The following CCDC13 variants were observed in gnomAD, a reference collection of about 807,000 sequenced individuals.
The protein encoded by CCDC13 is coiled-coil domain containing 13.
A neutral mutation model predicts 87.3 loss-of-function variants in CCDC13; 70 were observed. The observed-to-expected ratio is 0.80, with a 90% CI of 0.66 to 0.98. The LOEUF (loss-of-function observed/expected upper bound fraction) is 0.98, where lower values mean the gene tolerates loss of function less well. Ranked by LOEUF, CCDC13 falls within the 50% of genes least tolerant of loss-of-function variation. CCDC13 has a pLI of 0.00. For missense variants in CCDC13, 842 were observed against 892.0 expected, an observed-to-expected ratio of 0.94 and a Z score of 0.71; for synonymous variants, 317 against 360.3, an observed-to-expected ratio of 0.88 and a Z score of 1.36.
chr3:42,729,850 T>A (rs1356008635), intron 13 of CCDC13, among the ~76,000 whole-genome samples: 3 of 152,216 alleles, frequency 2.0e-5, no homozygotes, highest in African/African-American at 7.2e-5. Context: ...CTCAGTGGTG[T>A]GCTTAATATT....
chr3:42,719,072 A>G (rs1053468172), intron 13 of CCDC13: 1 of 152,278 alleles, frequency 6.6e-6, no homozygotes, highest in Admixed American at 6.5e-5. Context: ...TCCTCTCGGT[A>G]AAGTCCCTTT....
intron 1 of CCDC13, chr3:42,771,031 A>G (rs999653889): frequency 1.3e-5 from 2 of 152,270 alleles, no homozygotes; most frequent in African/African-American, 2.4e-5. Flanking sequence ...CAATAACTTT[A>G]TTCATAATTA....
intron 13 of CCDC13, among the ~76,000 whole-genome samples, chr3:42,716,957 G>A (rs1698444808): frequency 6.6e-6 from 1 of 152,178 alleles, no homozygotes; most frequent in African/African-American, 2.4e-5. Flanking sequence ...ACAAAATGTG[G>A]TACATGCACA....
At chr3:42,770,085 G>C (rs1424188935) in intron 1 of CCDC13, among the ~76,000 whole-genome samples, 1 of 152,252 alleles carries the variant, frequency 6.6e-6, no homozygotes, top group Non-Finnish European at 1.5e-5. Context: ...CCTCCGCCTG[G>C]GGCCCTGGTG....
chr3:42,712,915 A>C (rs949521979), intron 14 of CCDC13, among the ~76,000 whole-genome samples: 1 of 152,214 alleles, frequency 6.6e-6, no homozygotes, highest in Non-Finnish European at 1.5e-5. Context: ...CTGCCACCTC[A>C]TGCTGAGGGC....
At chr3:42,722,866 G>A (rs1253728823) in intron 13 of CCDC13, among the ~76,000 whole-genome samples, 2 of 143,642 alleles carry the variant, frequency 1.4e-5, no homozygotes, top group Admixed American at 7.5e-5. Flanking sequence ...GCACTATCTC[G>A]GCTCATTGCA....
intron 2 of CCDC13, 138 bp from the exon 3 acceptor site, chr3:42,757,352 C>A: frequency 1.3e-6 from 1 of 785,842 alleles, no homozygotes; most frequent in Non-Finnish European, 2.0e-6. Context: ...ATTTCAATGT[C>A]GTTCATTAGC....
intron 13 of CCDC13, chr3:42,713,871 C>T (rs1040454265): frequency 2.0e-5 from 3 of 152,220 alleles, no homozygotes; most frequent in African/African-American, 7.2e-5. Context: ...GCCTGGCAAG[C>T]TCAGTGGGTT....
At chr3:42,715,799 A>G (rs1698417362) in intron 13 of CCDC13, among the ~76,000 whole-genome samples, 1 of 152,166 alleles carries the variant, frequency 6.6e-6, no homozygotes, top group Non-Finnish European at 1.5e-5. Context: ...GGTTTCTGAT[A>G]AAGGATAACT....
intron 13 of CCDC13, among the ~76,000 whole-genome samples, chr3:42,717,153 T>C (rs1316725848): frequency 1.3e-5 from 2 of 152,180 alleles, no homozygotes; most frequent in South Asian, 2.1e-4. Flanking sequence ...TGGCTGGGCA[T>C]GGTGGCTCAT....
chr3:42,765,670 G>A (rs770274660), intron 1 of CCDC13, among the ~76,000 whole-genome samples: 4 of 152,238 alleles, frequency 2.6e-5, no homozygotes, highest in Non-Finnish European at 4.4e-5. Flanking sequence ...TGGGGAGAGA[G>A]AAGCTGCAGG....
intron 13 of CCDC13, among the ~76,000 whole-genome samples, chr3:42,716,179 A>G (rs751564500): frequency 3.9e-5 from 6 of 152,158 alleles, no homozygotes; most frequent in Non-Finnish European, 1.5e-5. Flanking sequence ...AGATGTACTA[A>G]TATTACTTCA....
chr3:42,710,102 C>A (rs983864176), intron 14 of CCDC13, among the ~76,000 whole-genome samples: 1 of 144,836 alleles, frequency 6.9e-6, no homozygotes, highest in South Asian at 2.2e-4. Flanking sequence ...AATTTGTTTT[C>A]TTTTTTTTTT....
chr3:42,747,121 G>T, intron 6 of CCDC13, 136 bp downstream of exon 6: 1 of 788,034 alleles, frequency 1.3e-6, no homozygotes, highest in South Asian at 1.3e-5. Context: ...TGGAACTGGA[G>T]CCTGACCCAG....
rs1270921206 is a variant in CCDC13, at chr3:42,730,558, G to C, written c.1627C>G (p.Gln543Glu). 1 of 1,614,048 alleles carries C rather than the reference G, an allele frequency of 6.2e-7. No individual in the cohort carries two copies. The highest frequency in any genetic ancestry group is 2.2e-5 in the East Asian group (1 of 44,892). ...FSDSPEQKGW[Q>E]AQVSEIKALW... The stretch of plus-strand genomic sequence containing the variant: ...GCCTTGATCTCTGACACTTGTGCCT[G>C]CCAGCCTTTTTGTTCTGGGGAGTCC... Residue 543 changes from glutamine to glutamate, a missense_variant, in exon 13 of 16, where the codon CAG (glutamine) becomes GAG (glutamate). Physicochemically the swap from Gln to Glu is conservative, Grantham distance 29 (BLOSUM62 2). Coordinates refer to ENST00000310232, the MANE Select transcript of CCDC13 (RefSeq NM_144719.4).
intron 1 of CCDC13, among the ~76,000 whole-genome samples, chr3:42,764,365 C>G (rs941361491): frequency 2.0e-5 from 3 of 152,146 alleles, no homozygotes; most frequent in Non-Finnish European, 4.4e-5. Flanking sequence ...TGGGGGGCCT[C>G]TGAATTTTAT....
intron 10 of CCDC13, among the ~76,000 whole-genome samples, chr3:42,734,098 C>T (rs1428758336): frequency 6.6e-6 from 1 of 152,140 alleles, no homozygotes; most frequent in Non-Finnish European, 1.5e-5. Context: ...TGCCAGGCCC[C>T]CACCCCTCCC....
At position 42,732,988 on chromosome 3, in the gene CCDC13, G is replaced by A. The variant is rs758796912; in HGVS notation, c.1512-18C>T. 2 of 1,549,008 alleles carry A rather than the reference G, an allele frequency of 1.3e-6. No individual in the cohort carries two copies. Among genetic ancestry groups the A allele is most frequent in the East Asian group, 4.9e-5 (2 of 40,908 alleles). On this transcript the variant is annotated intron_variant, in intron 11 of 15. Coordinates refer to ENST00000310232, the MANE Select transcript of CCDC13 (RefSeq NM_144719.4). ...TCACAGAGCTGTGTAAAGGCGGAAGGGGCCCATCAGCCTGGGAAGGCAGAC... is the reference window on the plus strand; with the variant it reads ...TCACAGAGCTGTGTAAAGGCGGAAGAGGCCCATCAGCCTGGGAAGGCAGAC...
intron 13 of CCDC13, among the ~76,000 whole-genome samples, chr3:42,726,644 G>A (rs570965073): frequency 2.0e-5 from 3 of 151,896 alleles, no homozygotes; most frequent in Admixed American, 6.6e-5. Flanking sequence ...ATAAAATTAC[G>A]TATAACATAT....
Sources: gnomAD v4.1 joint callset for allele counts (sites outside exome capture counted in the v4.1 genomes callset) on GRCh38, gnomAD v4.1.1 for gene constraint, MANE v1.5 for transcripts, NCBI Gene and HGNC (gene_info 2026-07-23, HGNC 2026-07-21) for gene names.